The following NDST4 variants were observed in gnomAD, a reference collection of about 807,000 sequenced individuals.
NDST4 encodes the protein N-deacetylase and N-sulfotransferase 4.
In NDST4, 63 loss-of-function variants were observed where a neutral mutation model predicts 100.8. That is an observed-to-expected ratio of 0.62 (90% confidence interval 0.51 to 0.77). The LOEUF (loss-of-function observed/expected upper bound fraction) is 0.77, where lower values mean the gene tolerates loss of function less well. Ranked by LOEUF, NDST4 falls within the 30% of genes least tolerant of loss-of-function variation. The pLI, the probability that NDST4 is intolerant of heterozygous loss-of-function variation, is 0.00. For synonymous variants in NDST4, 377 were observed against 361.8 expected (o/e 1.04, Z -0.48); for missense variants, 943 against 1,018.4 (o/e 0.93, Z 1.01).
intron 2 of NDST4, among the ~76,000 whole-genome samples, chr4:115,064,726 A>G (rs1728896114): frequency 6.6e-6 from 1 of 152,104 alleles, no homozygotes; most frequent in Admixed American, 6.6e-5. Context: ...TTTTTCCTCT[A>G]TGTGAAACTA....
chr4:115,057,743 C>G (rs990993837), intron 2 of NDST4, among the ~76,000 whole-genome samples: 3 of 150,172 alleles, frequency 2.0e-5, no homozygotes, highest in East Asian at 1.9e-4. Context: ...CAGACACACA[C>G]ACACACACAC....
In NDST4 at chr4:114,834,014, T is replaced by G. The variant is rs78363004; in HGVS notation, c.2287-299A>C. On this transcript the variant is annotated intron_variant, in intron 11 of 13. Transcript: ENST00000264363. Reference sequence around the variant, plus strand: ...TTAGTGCTTCAGTAGAAACATAATTTTCCATTTGTTGTGTGATCAGATAAT... The same window carrying G: ...TTAGTGCTTCAGTAGAAACATAATTGTCCATTTGTTGTGTGATCAGATAAT... 4.5e-3 allele frequency among the ~76,000 whole-genome samples: 683 copies of G among 152,290 alleles called. 9 individuals carry two copies. The highest frequency in any genetic ancestry group is 0.016 in the African/African-American group (657 of 41,560).
intron 6 of NDST4, among the ~76,000 whole-genome samples, chr4:114,926,623 T>C (rs575427292): frequency 6.6e-6 from 1 of 152,102 alleles, no homozygotes; most frequent in South Asian, 2.1e-4. Context: ...TAGATACAGT[T>C]GTATTGTAGA....
At chr4:115,087,983 A>G (rs1044910759) in intron 1 of NDST4, among the ~76,000 whole-genome samples, 1 of 151,936 alleles carries the variant, frequency 6.6e-6, no homozygotes, top group Non-Finnish European at 1.5e-5. Flanking sequence ...TTTAAAATAT[A>G]ATTTTTATCT....
intron 10 of NDST4, among the ~76,000 whole-genome samples, chr4:114,842,491 C>T (rs1056034307): frequency 4.0e-5 from 6 of 151,508 alleles, no homozygotes; most frequent in Non-Finnish European, 7.4e-5. Context: ...AAAAGAAAAA[C>T]GACAAAAATA....
intron 11 of NDST4, among the ~76,000 whole-genome samples, chr4:114,837,358 C>T (rs922161593): frequency 9.2e-5 from 14 of 151,818 alleles, no homozygotes; most frequent in African/African-American, 2.2e-4. Flanking sequence ...AAAAAGAGCC[C>T]GTATAGCCAA....
chr4:115,055,763 T>C lies in NDST4; in HGVS notation c.978+20296A>G, dbSNP rs1044807118. 5.3e-5 allele frequency among the ~76,000 whole-genome samples: 8 copies of C among 152,056 alleles called. No homozygotes were observed. The South Asian group carries it at 1.2e-3, about 24-fold the overall frequency. ...CAATAGAGGGATGATAGATAAAGGG[T>C]AAGCTGGCACCACTTAAAGGCCAGC... On this transcript the variant is annotated intron_variant, in intron 2 of 13. Transcript: ENST00000264363.
Position 114,938,347 on chromosome 4 carries a change from A to T in NDST4, c.1222-844T>A, listed in dbSNP as rs147492428. ...TTCACTATGAGATTCTTGGGTAAAC[A>T]GTCAACTCTAAAAGAAAACAAGTAT... On this transcript the variant is annotated intron_variant, in intron 4 of 13. Transcript: ENST00000264363. 7.0e-4 allele frequency among the ~76,000 whole-genome samples: 106 copies of T among 152,360 alleles called. No individual in the cohort carries two copies. The Middle Eastern group carries it at 0.017, about 24-fold the overall frequency.
rs562259693 is a variant in NDST4 at position 114,943,359 on chromosome 4, C to T, written c.1222-5856G>A. ...AAAGTAATAACTTAATTATGTAATT[C>T]ACCAGCATTAACTCATCCAATGGTT... On this transcript the variant is annotated intron_variant, in intron 4 of 13. Coordinates refer to ENST00000264363, the MANE Select transcript of NDST4 (RefSeq NM_022569.3). 4.1e-4 allele frequency among the ~76,000 whole-genome samples: 62 copies of T among 151,914 alleles called. 1 individual carries two copies. The South Asian group carries it at 0.012, about 28-fold the overall frequency.
intron 2 of NDST4, among the ~76,000 whole-genome samples, chr4:115,065,707 T>C (rs1246666811): frequency 6.6e-6 from 1 of 152,158 alleles, no homozygotes; most frequent in African/African-American, 2.4e-5. Flanking sequence ...TATGCCACTT[T>C]CTGGCTTAAA....
rs569951898 is a variant in NDST4 at position 114,911,523 on chromosome 4, T to C, written c.1536+23683A>G. Among the ~76,000 whole-genome samples the C allele has an allele frequency of 7.7e-4, 117 of 152,330 alleles. 3 individuals are homozygous for C. In the South Asian group the frequency reaches 0.016, roughly 21 times the overall value. ...TAATATAATCTCATGAAAGCATGGA[T>C]ATTTTTTCTTATGTCTCTGTACCTA... On this transcript the variant is annotated intron_variant, in intron 6 of 13. Coordinates refer to ENST00000264363, the MANE Select transcript of NDST4 (RefSeq NM_022569.3).
chr4:114,979,920 C>G (rs755547856), intron 2 of NDST4, among the ~76,000 whole-genome samples: 1 of 151,916 alleles, frequency 6.6e-6, no homozygotes, highest in Non-Finnish European at 1.5e-5. Context: ...CTTTAGTTTT[C>G]AAACTTCAGA....
intron 4 of NDST4, among the ~76,000 whole-genome samples, chr4:114,962,538 AT>A (rs2126236853): frequency 6.6e-6 from 1 of 152,136 alleles, no homozygotes; most frequent in East Asian, 1.9e-4. Context: ...TAAAATTGGA[AT>A]TTTAAAAGAT....
chr4:114,839,497 C>T lies in NDST4; in HGVS notation c.2167G>A (p.Val723Ile), dbSNP rs1469612048. ...PAALRFNFYE[V>I]ISTGHWAPSD... ...GGAGCCCAATGTCCTGTTGAAATAACTTCATAGAAATTGAACCTCAGAGCA... is the reference window on the plus strand; with the variant it reads ...GGAGCCCAATGTCCTGTTGAAATAATTTCATAGAAATTGAACCTCAGAGCA... Residue 723 changes from valine (V) to isoleucine (I), a missense_variant, in exon 11 of 14, where the codon GTT becomes ATT. By Grantham distance (29) the Val-to-Ile change is conservative. Around this residue, in one of 2 missense-constraint regions of NDST4, gnomAD observed 526 missense variants for 634.1 expected, o/e 0.83. Transcript: ENST00000264363. 2 of 1,613,896 alleles carry T rather than the reference C, an allele frequency of 1.2e-6. No homozygotes were observed. Among genetic ancestry groups the T allele is most frequent in the Non-Finnish European group, 1.7e-6 (2 of 1,179,894 alleles).
At chr4:114,872,133 G>C (rs1284384401) in intron 6 of NDST4, among the ~76,000 whole-genome samples, 1 of 151,926 alleles carries the variant, frequency 6.6e-6, no homozygotes, top group African/African-American at 2.4e-5. Flanking sequence ...CACCTGGTTA[G>C]ATACTAGCCA....
intron 4 of NDST4, among the ~76,000 whole-genome samples, chr4:114,965,832 T>C (rs530403776): frequency 1.3e-4 from 20 of 152,186 alleles, no homozygotes; most frequent in African/African-American, 4.8e-4. Flanking sequence ...GCACTTTTCT[T>C]TCTATGGCTG....
chr4:114,977,374 A>G, intron 2 of NDST4, 100 bp from the exon 3 acceptor site: 1 of 658,970 alleles, frequency 1.5e-6, no homozygotes, highest in South Asian at 1.9e-5. Flanking sequence ...ACAAAATGAT[A>G]TGAGCTTTCT....
chr4:114,972,197 T>A lies in NDST4; in HGVS notation c.1067-1613A>T, dbSNP rs922033348. ...CCACTTACCCAGAGCAGTGAATAAA[T>A]GAATAATTTAATTTAGTCTATATTT... On this transcript the variant is annotated intron_variant, in intron 3 of 13. Coordinates refer to ENST00000264363, the MANE Select transcript of NDST4 (RefSeq NM_022569.3). 3.2e-4 allele frequency among the ~76,000 whole-genome samples: 49 copies of A among 152,044 alleles called. 1 individual carries two copies. Among genetic ancestry groups the A allele is most frequent in the African/African-American group, 1.2e-3 (48 of 41,440 alleles).
At chr4:114,928,325 T>C (rs184192063) in intron 6 of NDST4, among the ~76,000 whole-genome samples, 5 of 152,298 alleles carry the variant, frequency 3.3e-5, no homozygotes, top group Admixed American at 2.6e-4. Flanking sequence ...AAACTTAAAA[T>C]AGTAACTCAT....
Sources: allele counts gnomAD v4.1 joint callset (sites outside exome capture counted in the v4.1 genomes callset), GRCh38; gene constraint gnomAD v4.1.1; regional missense constraint gnomAD v4.1.1; transcripts MANE v1.5; gene names NCBI Gene and HGNC (gene_info 2026-07-23, HGNC 2026-07-21).